ABCC6: variants seen among roughly 807,000 people sequenced by gnomAD.
ABCC6 encodes the protein ATP binding cassette subfamily C member 6, also known as ATP-binding cassette sub-family C member 6.
In ABCC6, 126 loss-of-function variants were observed where a neutral mutation model predicts 169.5. The observed-to-expected ratio is 0.74, with a 90% CI of 0.64 to 0.86. The LOEUF (loss-of-function observed/expected upper bound fraction) is 0.86, where lower values mean the gene tolerates loss of function less well. Among genes scored for constraint, ABCC6 ranks in the 40% least tolerant of loss-of-function variants. The probability of loss-of-function intolerance (pLI) is 0.00; values close to 1 mark genes in which losing one functional copy is unlikely to be tolerated. For missense variants in ABCC6, 1,733 were observed against 1,927.2 expected, an observed-to-expected ratio of 0.90 and a Z score of 1.89; for synonymous variants, 752 against 814.7, an observed-to-expected ratio of 0.92 and a Z score of 1.31.
chr16:16,210,862 G>A (rs2048586589), intron 6 of ABCC6, among the ~76,000 whole-genome samples: 1 of 152,172 alleles, frequency 6.6e-6, no homozygotes, highest in Non-Finnish European at 1.5e-5. Context: ...GGGAGGTCGA[G>A]TGGGGTAGAT....
At position 16,152,866 on chromosome 16, in the gene ABCC6, A is replaced by G. The variant is rs542003400; in HGVS notation, c.4208+1762T>C. Among the ~76,000 whole-genome samples, 17 of 151,742 alleles carry G rather than the reference A, an allele frequency of 1.1e-4. No individual in the cohort carries two copies. In the South Asian group the frequency reaches 3.6e-3, roughly 32 times the overall value. Reference sequence around the variant, plus strand: ...AAGCCCTTCGGACACCCTCAGGGTCAGAGGGGTTTATAAATCCAGAACACC... The same window carrying G: ...AAGCCCTTCGGACACCCTCAGGGTCGGAGGGGTTTATAAATCCAGAACACC... On this transcript the variant is annotated intron_variant, in intron 29 of 30. Coordinates refer to ENST00000205557, the MANE Select transcript of ABCC6 (RefSeq NM_001171.6).
intron 5 of ABCC6, among the ~76,000 whole-genome samples, chr16:16,213,000 T>C (rs1231488424): frequency 6.6e-6 from 1 of 152,220 alleles, no homozygotes; most frequent in Non-Finnish European, 1.5e-5. Flanking sequence ...CACAGCTTAT[T>C]AATTTTTAAA....
At chr16:16,200,126 T>A (rs954557089) in intron 9 of ABCC6, among the ~76,000 whole-genome samples, 2 of 151,380 alleles carry the variant, frequency 1.3e-5, no homozygotes, top group Admixed American at 6.6e-5. Flanking sequence ...GCAGTTATGA[T>A]GAGTAACATA....
intron 7 of ABCC6, among the ~76,000 whole-genome samples, chr16:16,204,053 T>C (rs1326337827): frequency 1.3e-5 from 2 of 152,030 alleles, no homozygotes; most frequent in East Asian, 1.9e-4. Flanking sequence ...CTTTTCTTTT[T>C]TCTTTTCCTT....
intron 23 of ABCC6, among the ~76,000 whole-genome samples, chr16:16,163,781 A>G (rs1435206096): frequency 2.0e-5 from 3 of 152,196 alleles, no homozygotes; most frequent in Non-Finnish European, 4.4e-5. Flanking sequence ...ACCCAACTGT[A>G]TGTGCCAGGC....
chr16:16,155,122 T>C, intron 27 of ABCC6, 91 bp from the exon 28 acceptor site: 3 of 1,432,676 alleles, frequency 2.1e-6, no homozygotes, highest in Non-Finnish European at 2.8e-6. Flanking sequence ...GAGATCTGTC[T>C]ATCCATCCCT....
At chr16:16,157,502 G>A (rs1459729062) in intron 27 of ABCC6, among the ~76,000 whole-genome samples, 161 bp downstream of exon 27, 1 of 152,124 alleles carries the variant, frequency 6.6e-6, no homozygotes, top group Non-Finnish European at 1.5e-5. Flanking sequence ...AGCAGGTTTG[G>A]GGAAGGTGAG....
At chr16:16,199,060 G>T (rs1320578930) in intron 9 of ABCC6, among the ~76,000 whole-genome samples, 2 of 141,014 alleles carry the variant, frequency 1.4e-5, no homozygotes, top group Middle Eastern at 3.8e-3. Context: ...GCTAGCTACT[G>T]GGGAGGCTGA....
intron 17 of ABCC6, chr16:16,181,978 G>T: frequency 4.0e-6 from 1 of 248,206 alleles, no homozygotes; most frequent in African/African-American, 2.2e-5. Context: ...GCTGGATTTG[G>T]CTTGGGGTCA....
At chr16:16,178,684 A>G in intron 18 of ABCC6, 114 bp downstream of exon 18, 2 of 1,211,788 alleles carry the variant, frequency 1.7e-6, no homozygotes, top group Admixed American at 1.7e-5. Flanking sequence ...CAATACAAAG[A>G]GGAAATTGGA....
intron 17 of ABCC6, 48 bp from the exon 18 acceptor site, chr16:16,179,013 A>G: frequency 6.3e-7 from 1 of 1,596,976 alleles, no homozygotes; most frequent in Non-Finnish European, 8.5e-7. Flanking sequence ...CTACAGGGTG[A>G]AACTGGGGTG....
At chr16:16,154,506 G>T in intron 29 of ABCC6, 122 bp downstream of exon 29, 1 of 1,254,360 alleles carries the variant, frequency 8.0e-7, no homozygotes. Flanking sequence ...GAGACATGTG[G>T]TTATTAATGT....
At position 16,192,730 on chromosome 16, in the gene ABCC6, G is replaced by T; in HGVS notation, c.1431+100C>A. ...AGACGACAAGAACAAAGCCAGACCC[G>T]TGGGCTCGCACTCAGCTCTCCCCTC... is the stretch of plus-strand genomic sequence containing the variant. On this transcript the variant is annotated intron_variant, in intron 11 of 30. Transcript: ENST00000205557. The T allele has an allele frequency of 4.5e-6, 5 of 1,117,806 alleles. No homozygotes were observed. In the South Asian group the frequency reaches 5.2e-5, roughly 12 times the overall value. 69.2% of individuals were successfully genotyped at this position (1,117,806 alleles called of 1,614,324 possible).
At chr16:16,197,941 G>T (rs2048104845) in intron 10 of ABCC6, 80 bp downstream of exon 10, 2 of 1,458,054 alleles carry the variant, frequency 1.4e-6, no homozygotes, top group South Asian at 1.2e-5. Flanking sequence ...GGAGGAGGAA[G>T]GGTGGGAGGG....
intron 6 of ABCC6, among the ~76,000 whole-genome samples, chr16:16,211,566 C>CT (rs199956891): frequency 3.3e-3 from 495 of 152,286 alleles, no homozygotes; most frequent in African/African-American, 0.011. Flanking sequence ...GGTTAAGTAA[C>CT]TGTCCAAAGC....
At chr16:16,170,400 A>G (rs972162459) in intron 21 of ABCC6, among the ~76,000 whole-genome samples, 2 of 151,942 alleles carry the variant, frequency 1.3e-5, no homozygotes, top group Non-Finnish European at 2.9e-5. Flanking sequence ...ACACCCAGCT[A>G]GAAGGGTTTT....
intron 2 of ABCC6, among the ~76,000 whole-genome samples, chr16:16,220,897 CAA>C (rs796606542): frequency 8.5e-6 from 1 of 117,202 alleles, no homozygotes. Context: ...AACTGCATCT[CAA>C]AAAAAAAAAA....
At chr16:16,176,317 T>C (rs6498614) in intron 19 of ABCC6, among the ~76,000 whole-genome samples, 141,484 of 152,224 alleles carry the variant, frequency 0.93, 66,542 homozygotes, top group Non-Finnish European at 1. Context: ...CTGGAATGCT[T>C]TTTTCTGGCT....
At chr16:16,214,101 G>C (rs887593543) in intron 5 of ABCC6, among the ~76,000 whole-genome samples, 1 of 152,186 alleles carries the variant, frequency 6.6e-6, no homozygotes, top group African/African-American at 2.4e-5. Context: ...TTCAATGGCA[G>C]AGTTGAGTAA....
Sources: allele counts gnomAD v4.1 joint callset (sites outside exome capture counted in the v4.1 genomes callset), GRCh38; gene constraint gnomAD v4.1.1; transcripts MANE v1.5; gene names NCBI Gene and HGNC (gene_info 2026-07-23, HGNC 2026-07-21).